ARHGAP11B: variants seen among roughly 807,000 people sequenced by gnomAD.
ARHGAP11B encodes Rho GTPase activating protein 11B.
In ARHGAP11B, 14 loss-of-function variants were observed where a neutral mutation model predicts 27.6. The observed-to-expected ratio is 0.51, with a 90% confidence interval of 0.34 to 0.79. The LOEUF (loss-of-function observed/expected upper bound fraction) is 0.79, where lower values mean the gene tolerates loss of function less well. Among genes scored for constraint, ARHGAP11B ranks in the 30% least tolerant of loss-of-function variants. The probability of loss-of-function intolerance (pLI) is 0.02; values close to 1 mark genes in which losing one functional copy is unlikely to be tolerated. For missense variants in ARHGAP11B, 245 were observed against 320.1 expected (o/e 0.77, Z 1.79); for synonymous variants, 82 against 114.1 (o/e 0.72, Z 1.80).
intron 10 of ARHGAP11B, among the ~76,000 whole-genome samples, chr15:30,648,227 C>G (rs554425626): frequency 6.6e-6 from 1 of 152,034 alleles, no homozygotes; most frequent in Non-Finnish European, 1.5e-5. Flanking sequence ...CGTAGCTTCC[C>G]TATGATTTTA....
chr15:30,644,399 G>T (rs1349789222), intron 7 of ARHGAP11B, among the ~76,000 whole-genome samples: 1 of 151,970 alleles, frequency 6.6e-6, no homozygotes, highest in Non-Finnish European at 1.5e-5. Context: ...CAAGATAGGG[G>T]TGAATTTTTT....
intron 9 of ARHGAP11B, among the ~76,000 whole-genome samples, chr15:30,646,544 T>A (rs994084179): frequency 6.6e-6 from 1 of 151,498 alleles, no homozygotes; most frequent in Non-Finnish European, 1.5e-5. Context: ...TGTAAGATTT[T>A]AAAAAAATAT....
intron 2 of ARHGAP11B, 61 bp from the exon 3 acceptor site, chr15:30,633,429 G>A: frequency 6.9e-7 from 1 of 1,454,422 alleles, no homozygotes; most frequent in Non-Finnish European, 9.5e-7. Context: ...GCTCATGTAT[G>A]TTAGCAGAGG....
At chr15:30,630,553 A>G (rs2060238179) in intron 1 of ARHGAP11B, 150 bp from the exon 2 acceptor site, 2 of 1,418,450 alleles carry the variant, frequency 1.4e-6, no homozygotes, top group South Asian at 1.4e-5. Context: ...TATCAAATGC[A>G]CTTGAAATGA....
intron 6 of ARHGAP11B, among the ~76,000 whole-genome samples, chr15:30,637,130 A>C (rs907644685): frequency 6.6e-6 from 1 of 151,820 alleles, no homozygotes; most frequent in Non-Finnish European, 1.5e-5. Flanking sequence ...TATCACATCT[A>C]AATAGATAAC....
intron 2 of ARHGAP11B, among the ~76,000 whole-genome samples, chr15:30,633,192 G>A (rs2060256338): frequency 1.3e-5 from 2 of 150,588 alleles, no homozygotes; most frequent in South Asian, 4.2e-4. Context: ...ATATGAAGAA[G>A]TAGAGGCAGA....
intron 7 of ARHGAP11B, among the ~76,000 whole-genome samples, chr15:30,639,090 G>A (rs2060299780): frequency 6.6e-6 from 1 of 151,792 alleles, no homozygotes; most frequent in South Asian, 2.1e-4. Flanking sequence ...TAATTTAGAT[G>A]CTATTGAACG....
Position 30,645,678 on chromosome 15 carries a change from T to G in ARHGAP11B, c.*143-436T>G, listed in dbSNP as rs563759961. ...TTTGGAGCTAAAATTTCAGGTGATT[T>G]TAGCTATCATGTTATCCTCGTTATT... On this transcript the variant is annotated intron_variant, in intron 8 of 10. Coordinates refer to ENST00000428041, the Ensembl canonical transcript of ARHGAP11B. Among the ~76,000 whole-genome samples the G allele has an allele frequency of 7.2e-5, 11 of 152,186 alleles. 1 individual carries two copies. The East Asian group carries it at 1.9e-3, about 27-fold the overall frequency.
intron 6 of ARHGAP11B, among the ~76,000 whole-genome samples, chr15:30,636,586 G>A (rs943535217): frequency 6.6e-6 from 1 of 151,976 alleles, no homozygotes; most frequent in Admixed American, 6.6e-5. Flanking sequence ...GGATAATACT[G>A]ATGACTTATG....
intron 2 of ARHGAP11B, among the ~76,000 whole-genome samples, chr15:30,631,612 A>G (rs1207665258): frequency 6.6e-6 from 1 of 152,048 alleles, no homozygotes; most frequent in Non-Finnish European, 1.5e-5. Context: ...GGCTGCAGTG[A>G]GCTATGCTCA....
chr15:30,631,716 T>G (rs2140892447), intron 2 of ARHGAP11B, among the ~76,000 whole-genome samples: 1 of 152,304 alleles, frequency 6.6e-6, no homozygotes, highest in East Asian at 1.9e-4. Context: ...GATATTAGAG[T>G]GTTTGTGAAA....
At position 30,629,296 on chromosome 15, in the gene ARHGAP11B, C is replaced by T. The variant is rs757595613; in HGVS notation, c.130-1407C>T. Among the ~76,000 whole-genome samples, 96 of 152,152 alleles carry T rather than the reference C, an allele frequency of 6.3e-4. 1 individual carries two copies. The highest frequency in any genetic ancestry group is 3.4e-3 in the Middle Eastern group (1 of 294). On this transcript the variant is annotated intron_variant, in intron 1 of 10. Transcript: ENST00000428041. ...CGATGGCTCACGCCTGTAATCCCAGCATTTTGGGAGGCCGAGGAGGGTGGA... is the reference window on the plus strand; with the variant it reads ...CGATGGCTCACGCCTGTAATCCCAGTATTTTGGGAGGCCGAGGAGGGTGGA...
intron 9 of ARHGAP11B, among the ~76,000 whole-genome samples, chr15:30,646,706 A>G (rs1268093213): frequency 6.6e-6 from 1 of 150,696 alleles, no homozygotes; most frequent in Non-Finnish European, 1.5e-5. Flanking sequence ...GCAGTGGCTC[A>G]TGCCTGTAAT....
chr15:30,634,323 G>C, exon 4 of ARHGAP11B: 1 of 1,613,446 alleles, frequency 6.2e-7, no homozygotes, highest in Admixed American at 1.7e-5. Flanking sequence ...AGGCACAGAG[G>C]AAAAGAATAA....
chr15:30,633,484 T>C lies in ARHGAP11B; in HGVS notation c.201-6T>C, dbSNP rs776656880. On this transcript the variant is annotated splice_region_variant and splice_polypyrimidine_tract_variant and intron_variant, in intron 2 of 10. Transcript: ENST00000428041. ...GTCTAGCCACCTGAAAAAATCTCTC[T>C]TTCAGCTTTCTTGTCGATGCTTGCA... 6.2e-7 allele frequency: 1 copy of C among 1,607,952 alleles called. No individual in the cohort carries two copies. The highest frequency in any genetic ancestry group is 8.5e-7 in the Non-Finnish European group (1 of 1,177,776).
At chr15:30,632,730 C>G (rs934968255) in intron 2 of ARHGAP11B, among the ~76,000 whole-genome samples, 3 of 151,312 alleles carry the variant, frequency 2.0e-5, no homozygotes, top group South Asian at 2.1e-4. Context: ...GCACATTCCC[C>G]TTAATATGAA....
chr15:30,634,642 A>G (rs1445918780), intron 4 of ARHGAP11B, among the ~76,000 whole-genome samples: 5 of 152,022 alleles, frequency 3.3e-5, no homozygotes, highest in Non-Finnish European at 7.4e-5. Context: ...TTAATGGTTC[A>G]TCATTGGTGT....
chr15:30,636,932 C>A (rs1290215103), intron 6 of ARHGAP11B, among the ~76,000 whole-genome samples: 1 of 151,918 alleles, frequency 6.6e-6, no homozygotes. Context: ...TGTAAAGACA[C>A]GAATTCCAAG....
chr15:30,635,106 G>A (rs750403793), exon 5 of ARHGAP11B: 19 of 1,613,496 alleles, frequency 1.2e-5, no homozygotes, highest in Non-Finnish European at 1.6e-5. Context: ...ATGGATAGCA[G>A]CAATCTTGCA....
Sources: allele counts gnomAD v4.1 joint callset (sites outside exome capture counted in the v4.1 genomes callset), GRCh38; gene constraint gnomAD v4.1.1; transcripts MANE v1.5; gene names NCBI Gene and HGNC (gene_info 2026-07-23, HGNC 2026-07-21).